ZBTB46: variants seen among roughly 807,000 people sequenced by gnomAD.
The protein encoded by ZBTB46 is zinc finger and BTB domain containing 46.
A neutral mutation model predicts 44.1 loss-of-function variants in ZBTB46; 8 were observed. The ratio of observed to expected loss-of-function variants is 0.18; its 90% CI spans 0.11 to 0.33. The LOEUF is 0.33. Among genes scored for constraint, ZBTB46 ranks in the 10% least tolerant of loss-of-function variants. The pLI is 1.00. For synonymous variants in ZBTB46, 409 were observed against 382.3 expected, an observed-to-expected ratio of 1.07 and a Z score of -0.81; for missense variants, 651 against 847.7, an observed-to-expected ratio of 0.77 and a Z score of 2.88.
intron 3 of ZBTB46, among the ~76,000 whole-genome samples, chr20:63,761,288 C>T (rs1271678072): frequency 1.3e-5 from 2 of 152,046 alleles, no homozygotes; most frequent in Non-Finnish European, 2.9e-5. Flanking sequence ...CATGAGCCAC[C>T]ACACTCACCC....
chr20:63,769,325 G>A, intron 3 of ZBTB46: 1 of 985,420 alleles, frequency 1.0e-6, no homozygotes, highest in South Asian at 4.7e-5. Flanking sequence ...TGGCTCTGAG[G>A]GTGGAGGGTG....
intron 1 of ZBTB46, among the ~76,000 whole-genome samples, chr20:63,798,410 C>T (rs963365173): frequency 6.6e-6 from 1 of 151,968 alleles, no homozygotes; most frequent in Non-Finnish European, 1.5e-5. Flanking sequence ...CGTGGTGGCT[C>T]ACACCTGTAA....
intron 1 of ZBTB46, among the ~76,000 whole-genome samples, chr20:63,828,958 C>T (rs377738212): frequency 8.5e-5 from 13 of 152,372 alleles, no homozygotes; most frequent in African/African-American, 3.1e-4. Context: ...GGCCCAATTT[C>T]CCTTAATTTA....
At chr20:63,804,858 C>G (rs1230406701) in intron 1 of ZBTB46, among the ~76,000 whole-genome samples, 1 of 151,328 alleles carries the variant, frequency 6.6e-6, no homozygotes, top group African/African-American at 2.4e-5. Context: ...CACCACTGCA[C>G]TCCAGCCTGG....
At chr20:63,830,900 C>T (rs1300625837) in intron 1 of ZBTB46, among the ~76,000 whole-genome samples, 197 bp downstream of exon 1, 1 of 142,184 alleles carries the variant, frequency 7.0e-6, no homozygotes, top group Non-Finnish European at 1.6e-5. Context: ...GCCGCCGCCC[C>T]CGGAGCCCGC....
chr20:63,761,938 ACTCT>A (rs1243569527), intron 3 of ZBTB46, among the ~76,000 whole-genome samples: 1 of 152,068 alleles, frequency 6.6e-6, no homozygotes, highest in Non-Finnish European at 1.5e-5. Flanking sequence ...CAGAGAATAT[ACTCT>A]CTGATTTCAA....
intron 1 of ZBTB46, among the ~76,000 whole-genome samples, chr20:63,827,498 C>A (rs1270527167): frequency 6.6e-6 from 1 of 151,634 alleles, no homozygotes; most frequent in African/African-American, 2.4e-5. Flanking sequence ...GTCCCAGCTA[C>A]TCGGGAGGCT....
chr20:63,764,680 G>A lies in ZBTB46; in HGVS notation c.1222+10998C>T, dbSNP rs111640556. Reference sequence around the variant, plus strand: ...TGCAATGGCTCGATCTCAGCTCACCGCATCCTCCACCTCCCAGGTTCAAAC... The same window carrying A: ...TGCAATGGCTCGATCTCAGCTCACCACATCCTCCACCTCCCAGGTTCAAAC... On this transcript the variant is annotated intron_variant, in intron 3 of 4. Coordinates refer to ENST00000245663, the MANE Select transcript of ZBTB46 (RefSeq NM_001369741.1). 6.6e-3 allele frequency among the ~76,000 whole-genome samples: 990 copies of A among 149,762 alleles called. 5 individuals carry two copies. The highest frequency in any genetic ancestry group is 0.011 in the Non-Finnish European group (767 of 67,608).
At chr20:63,768,179 C>A in intron 3 of ZBTB46, 3 of 930,390 alleles carry the variant, frequency 3.2e-6, no homozygotes, top group Non-Finnish European at 3.8e-6. Context: ...TATGCATTAA[C>A]AAAACATTAA....
rs1238724804 is a variant in ZBTB46, at chr20:63,746,241, A to G, written c.*689T>C. 2 of 152,848 alleles carry G rather than the reference A, an allele frequency of 1.3e-5. No individual in the cohort carries two copies. The highest frequency in any genetic ancestry group is 2.4e-5 in the African/African-American group (1 of 41,464). 9.5% of individuals were successfully genotyped at this position (152,848 alleles called of 1,614,324 possible). ...GGTGTGGCCTGAAGTGGTGGGGGGC[A>G]CAGGGCTGAGGGTCCCCTCCTGGAA... On this transcript the variant is annotated 3_prime_UTR_variant, in exon 5 of 5. Transcript: ENST00000245663.
chr20:63,768,208 T>A (rs1311496071), intron 3 of ZBTB46: 2 of 740,052 alleles, frequency 2.7e-6, no homozygotes, highest in Non-Finnish European at 3.3e-6. Context: ...ACCAAAACTA[T>A]CCTGTGAGAA....
rs552673667 is a variant in ZBTB46, at chr20:63,790,265, T to G, written c.493A>C (p.Arg165=). The change falls in exon 2 of 5, where the codon AGG becomes CGG. Residue 165 remains arginine, a synonymous_variant. Transcript: ENST00000245663. ...CGTGCCAGCCACGGGGAGATGCTCC[T>G]CCCAGCCATCACGGCCGAGATGAGA... ...EALISAVMAG[R]SISPWLARRT... 6 of 1,612,100 alleles carry G rather than the reference T, an allele frequency of 3.7e-6. No homozygotes were observed. Among genetic ancestry groups the G allele is most frequent in the Non-Finnish European group, 5.1e-6 (6 of 1,179,612 alleles).
intron 3 of ZBTB46, among the ~76,000 whole-genome samples, chr20:63,762,321 C>A (rs138455685): frequency 1.3e-5 from 2 of 152,206 alleles, no homozygotes; most frequent in East Asian, 3.9e-4. Flanking sequence ...GAAGTTATCT[C>A]TTTTTTTAGT....
At chr20:63,751,504 T>C (rs997761169) in intron 4 of ZBTB46, among the ~76,000 whole-genome samples, 5 of 152,066 alleles carry the variant, frequency 3.3e-5, no homozygotes, top group African/African-American at 1.2e-4. Context: ...CCCCTCTAGC[T>C]CTGCAGCTTG....
chr20:63,785,618 TC>T (rs1315951089), intron 2 of ZBTB46, among the ~76,000 whole-genome samples: 17 of 152,148 alleles, frequency 1.1e-4, no homozygotes, highest in Non-Finnish European at 2.4e-4. Flanking sequence ...AAATTAAAAA[TC>T]CTCTTCTCTA....
At chr20:63,815,345 C>T (rs1251983829) in intron 1 of ZBTB46, among the ~76,000 whole-genome samples, 3 of 147,156 alleles carry the variant, frequency 2.0e-5, no homozygotes, top group Admixed American at 6.7e-5. Flanking sequence ...GGCATAGGTG[C>T]AGTAGGTGCA....
chr20:63,760,206 T>A (rs546961583), intron 3 of ZBTB46, among the ~76,000 whole-genome samples: 107 of 152,352 alleles, frequency 7.0e-4, no homozygotes, highest in South Asian at 2.3e-3. Context: ...TTTCTTCCGT[T>A]AAAATTGGAA....
At chr20:63,753,982 G>A (rs545717100) in intron 3 of ZBTB46, among the ~76,000 whole-genome samples, 13 of 152,328 alleles carry the variant, frequency 8.5e-5, no homozygotes, top group African/African-American at 3.1e-4. Context: ...GGTCTACTGA[G>A]GCTCTGGGGG....
At chr20:63,766,756 A>T (rs1282212500) in intron 3 of ZBTB46, among the ~76,000 whole-genome samples, 1 of 152,100 alleles carries the variant, frequency 6.6e-6, no homozygotes, top group Non-Finnish European at 1.5e-5. Context: ...CAGGAACATA[A>T]AGGAACATAA....
Sources: allele counts gnomAD v4.1 joint callset (sites outside exome capture counted in the v4.1 genomes callset), GRCh38; gene constraint gnomAD v4.1.1; transcripts MANE v1.5; gene names NCBI Gene and HGNC (gene_info 2026-07-23, HGNC 2026-07-21).